The following CD44 variants were observed in gnomAD, a reference collection of about 807,000 sequenced individuals.
CD44 encodes the protein CD44 molecule (IN blood group), also known as CD44 antigen.
CD44 carries 49 observed loss-of-function variants against 88.8 expected under a neutral mutation model. The observed-to-expected ratio is 0.55, with a 90% confidence interval of 0.44 to 0.70. The LOEUF (loss-of-function observed/expected upper bound fraction) is 0.70, where lower values mean the gene tolerates loss of function less well. Ranked by LOEUF, CD44 falls within the 30% of genes least tolerant of loss-of-function variation. The probability of loss-of-function intolerance (pLI) is 0.00; values close to 1 mark genes in which losing one functional copy is unlikely to be tolerated. For missense variants in CD44, 883 were observed against 913.8 expected (o/e 0.97, Z 0.43); for synonymous variants, 325 against 312.3 (o/e 1.04, Z -0.43).
intron 3 of CD44, among the ~76,000 whole-genome samples, chr11:35,185,883 A>T (rs1351696755): frequency 1.3e-5 from 2 of 152,184 alleles, no homozygotes; most frequent in African/African-American, 4.8e-5. Context: ...AGACACAAGG[A>T]ATGGAATGCA....
chr11:35,166,262 T>C (rs2133429668), intron 1 of CD44, among the ~76,000 whole-genome samples: 1 of 152,262 alleles, frequency 6.6e-6, no homozygotes, highest in Admixed American at 6.5e-5. Flanking sequence ...GGTACTGTGG[T>C]TTCTCTGCCT....
chr11:35,220,356 C>T lies in CD44; in HGVS notation c.1945+969C>T, dbSNP rs138573382. ...AGGAGTAGAAAGGAAGAACAGAAAT[C>T]GGGCCCTCCTGTCAGTCTCCCCCAC... On this transcript the variant is annotated intron_variant, in intron 16 of 17. Coordinates refer to ENST00000428726, the MANE Select transcript of CD44 (RefSeq NM_000610.4). Among the ~76,000 whole-genome samples the T allele has an allele frequency of 2.7e-5, 4 of 149,906 alleles. No homozygotes were observed. In the East Asian group the frequency reaches 5.8e-4, roughly 22 times the overall value.
intron 4 of CD44, 142 bp downstream of exon 4, chr11:35,187,042 G>A (rs778515123): frequency 9.9e-6 from 6 of 605,982 alleles, no homozygotes; most frequent in Admixed American, 2.5e-5. Flanking sequence ...GGAGGCTGAG[G>A]TGGGTGGATC....
At chr11:35,139,392 G>A in intron 1 of CD44, 22 bp downstream of exon 1, 1 of 1,554,480 alleles carries the variant, frequency 6.4e-7, no homozygotes, top group East Asian at 2.4e-5. Context: ...CCGCAGCCTG[G>A]GCAGCAAGAT....
In CD44 at chr11:35,231,801, AC is replaced by A. The variant is rs1285143350; in HGVS notation, c.*2469del. 2 of 152,244 alleles carry A rather than the reference AC, an allele frequency of 1.3e-5. No homozygotes were observed. Among genetic ancestry groups the A allele is most frequent in the Non-Finnish European group, 2.9e-5 (2 of 68,044 alleles). The allele number at this position is 152,244 out of a possible 1,614,324, so 9.4% of individuals were successfully genotyped here. ...GGGTCTTTATAAAAGTAAAAGGCCA[AC>A]ATTTAATTATTTTGCAAAGCAACCT... On this transcript the variant is annotated 3_prime_UTR_variant, in exon 18 of 18. Transcript: ENST00000428726.
At position 35,215,007 on chromosome 11, in the gene CD44, T is replaced by C. The variant is rs565369269; in HGVS notation, c.1873+93T>C. 2.8e-5 allele frequency: 20 copies of C among 712,666 alleles called. No homozygotes were observed. The African/African-American group carries it at 3.1e-4, about 11-fold the overall frequency. The allele number at this position is 712,666 out of a possible 1,614,324, so 44.1% of individuals were successfully genotyped here. A position where few individuals can be genotyped will look rare whatever the true frequency, so the allele number is the denominator to read the frequency against. On this transcript the variant is annotated intron_variant, in intron 15 of 17. Coordinates refer to ENST00000428726, the MANE Select transcript of CD44 (RefSeq NM_000610.4). ...GTATGAGTCAGTGTCTCCAGAGAAG[T>C]GGTTCTCAAACCTTCTTAGCATACA...
chr11:35,181,931 T>G, intron 3 of CD44, among the ~76,000 whole-genome samples: 1 of 63,460 alleles, frequency 1.6e-5, no homozygotes, highest in Non-Finnish European at 3.0e-5. Flanking sequence ...TTATATTATA[T>G]ATAAATTATA....
chr11:35,152,246 G>C (rs946728918), intron 1 of CD44, among the ~76,000 whole-genome samples: 2 of 152,160 alleles, frequency 1.3e-5, no homozygotes, highest in Non-Finnish European at 2.9e-5. Flanking sequence ...TTGAGCTCAG[G>C]CTGGCCAGCT....
In CD44 at chr11:35,214,558, G is replaced by A. The variant is rs117500756; in HGVS notation, c.1811-294G>A. ...TAGCATGTTCCTTACCACAGTTCTT[G>A]GATTTCTACCAAAACAAAGTTTCTA... On this transcript the variant is annotated intron_variant, in intron 14 of 17. Transcript: ENST00000428726. The A allele has an allele frequency of 9.9e-6, 3 of 302,978 alleles. No homozygotes were observed. The East Asian group carries it at 1.6e-4, about 16-fold the overall frequency. 18.8% of individuals were successfully genotyped at this position (302,978 alleles called of 1,614,324 possible).
intron 16 of CD44, 118 bp from the exon 17 acceptor site, chr11:35,221,536 C>A (rs531414525): frequency 3.6e-6 from 3 of 825,004 alleles, no homozygotes; most frequent in Non-Finnish European, 4.2e-6. Flanking sequence ...ATTGGCCAGA[C>A]CCCCCTGCAG....
intron 13 of CD44, 137 bp downstream of exon 13, chr11:35,210,191 G>A (rs1948263269): frequency 1.9e-6 from 1 of 533,406 alleles, no homozygotes; most frequent in Non-Finnish European, 3.3e-6. Context: ...GGTGCGTCTG[G>A]TGGTGGTTCT....
chr11:35,154,540 A>G (rs536712917), intron 1 of CD44, among the ~76,000 whole-genome samples: 3 of 152,374 alleles, frequency 2.0e-5, no homozygotes, highest in Non-Finnish European at 4.4e-5. Context: ...TTAGTAGAGT[A>G]TAGGCACTAG....
At chr11:35,219,148 G>A (rs901501242) in intron 15 of CD44, 168 bp from the exon 16 acceptor site, 1 of 611,308 alleles carries the variant, frequency 1.6e-6, no homozygotes, top group African/African-American at 1.8e-5. Context: ...ATCAAATGAG[G>A]TGGGGGGGAA....
At chr11:35,226,363 A>G (rs1232210396) in intron 17 of CD44, among the ~76,000 whole-genome samples, 1 of 152,246 alleles carries the variant, frequency 6.6e-6, no homozygotes, top group Non-Finnish European at 1.5e-5. Context: ...GGTTAGGGAA[A>G]TGGGAATTAC....
At chr11:35,192,714 TA>T (rs1431557469) in intron 5 of CD44, among the ~76,000 whole-genome samples, 12 of 151,796 alleles carry the variant, frequency 7.9e-5, no homozygotes, top group African/African-American at 2.9e-4. Context: ...TCAAGAAACC[TA>T]AACTAATTCA....
intron 1 of CD44, among the ~76,000 whole-genome samples, chr11:35,166,164 C>A (rs183520000): frequency 6.6e-6 from 1 of 152,298 alleles, no homozygotes; most frequent in Non-Finnish European, 1.5e-5. Flanking sequence ...GCTAGTCAAT[C>A]TGCTAAATCA....
intron 1 of CD44, among the ~76,000 whole-genome samples, chr11:35,164,292 T>C (rs936245734): frequency 6.6e-6 from 1 of 152,208 alleles, no homozygotes; most frequent in African/African-American, 2.4e-5. Context: ...GCCACATTCA[T>C]AGCAGGATGC....
chr11:35,174,992 T>C (rs1222724302), intron 1 of CD44, among the ~76,000 whole-genome samples: 1 of 151,526 alleles, frequency 6.6e-6, no homozygotes, highest in Non-Finnish European at 1.5e-5. Context: ...GCCAAATGAG[T>C]TGAGGGAGAG....
In CD44 at chr11:35,186,896, C is replaced by A; in HGVS notation, c.432C>A (p.Thr144=). The A allele has an allele frequency of 6.4e-7, 1 of 1,569,328 alleles. No homozygotes were observed. The highest frequency in any genetic ancestry group is 8.8e-7 in the Non-Finnish European group (1 of 1,139,290). ...DLPNAFDGPI[T]ITIVNRDGTR... ...CCAATGCCTTTGATGGACCAATTAC[C>A]ATAAGTATGTCTCTCTTCTAATCTT... Residue 144 remains threonine (T), a synonymous_variant, in exon 4 of 18, where the codon ACC becomes ACA. Transcript: ENST00000428726.
Sources: gnomAD v4.1 joint callset for allele counts (sites outside exome capture counted in the v4.1 genomes callset) on GRCh38, gnomAD v4.1.1 for gene constraint, MANE v1.5 for transcripts, NCBI Gene and HGNC (gene_info 2026-07-23, HGNC 2026-07-21) for gene names.